SHTN1: variants seen among roughly 807,000 people sequenced by gnomAD.
The protein encoded by SHTN1 is shootin-1.
Under a neutral mutation model 83.1 loss-of-function variants are expected in SHTN1, and 42 were observed. The observed-to-expected ratio is 0.51, with a 90% CI of 0.39 to 0.65. SHTN1 has a LOEUF of 0.65. Ranked by LOEUF, SHTN1 falls within the 30% of genes least tolerant of loss-of-function variation. The pLI, the probability that SHTN1 is intolerant of heterozygous loss-of-function variation, is 0.00. For missense variants in SHTN1, 622 were observed against 737.8 expected (o/e 0.84, Z 1.82); for synonymous variants, 224 against 247.7 (o/e 0.90, Z 0.90).
At chr10:116,959,738 T>C (rs553294545) in intron 4 of SHTN1, among the ~76,000 whole-genome samples, 2 of 152,296 alleles carry the variant, frequency 1.3e-5, no homozygotes, top group Admixed American at 6.5e-5. Flanking sequence ...AGGGTGACTT[T>C]TTCATCTGAT....
chr10:116,907,866 T>C (rs768981486), intron 14 of SHTN1: 21 of 517,554 alleles, frequency 4.1e-5, no homozygotes, highest in Admixed American at 2.7e-4. Context: ...TTTGTAATGT[T>C]TGAACTCACT....
chr10:117,006,775 A>G (rs1852021699), upstream of SHTN1, among the ~76,000 whole-genome samples: 1 of 151,954 alleles, frequency 6.6e-6, no homozygotes, highest in Non-Finnish European at 1.5e-5. Context: ...TCATTCCTCA[A>G]TTGCTGTTTT....
At chr10:117,096,697 T>C (rs1853506987) in intron 1 of SHTN1, among the ~76,000 whole-genome samples, 1 of 152,228 alleles carries the variant, frequency 6.6e-6, no homozygotes, top group South Asian at 2.1e-4. Flanking sequence ...AAGGCCCCTA[T>C]TTAAAATGCA....
At chr10:117,110,602 C>T (rs1423558070) in intron 1 of SHTN1, among the ~76,000 whole-genome samples, 1 of 151,696 alleles carries the variant, frequency 6.6e-6, no homozygotes, top group Non-Finnish European at 1.5e-5. Flanking sequence ...CTCAGGCAAT[C>T]CACCCACCTC....
At chr10:117,021,769 C>T (rs745894228) in intron 2 of SHTN1, among the ~76,000 whole-genome samples, 6 of 152,082 alleles carry the variant, frequency 3.9e-5, no homozygotes, top group South Asian at 4.1e-4. Context: ...AAAAGTACAA[C>T]GGTCTATCAA....
At chr10:116,974,038 CTCTT>C in intron 2 of SHTN1, 2 of 1,061,072 alleles carry the variant, frequency 1.9e-6, no homozygotes, top group Non-Finnish European at 2.3e-6. Context: ...TCCTTTCACT[CTCTT>C]TCTCTTTTGG....
intron 2 of SHTN1, among the ~76,000 whole-genome samples, chr10:117,026,484 A>G (rs374602140): frequency 6.6e-6 from 1 of 151,046 alleles, no homozygotes; most frequent in Non-Finnish European, 1.5e-5. Context: ...ATTCAATGTC[A>G]TAATCTCAGC....
At chr10:116,896,511 T>C (rs770247472) in intron 16 of SHTN1, among the ~76,000 whole-genome samples, 1 of 152,160 alleles carries the variant, frequency 6.6e-6, no homozygotes. Flanking sequence ...ATCAAGTGTC[T>C]ATGTCACATT....
chr10:116,990,356 T>C (rs929259609), intron 1 of SHTN1, among the ~76,000 whole-genome samples: 4 of 150,284 alleles, frequency 2.7e-5, no homozygotes, highest in African/African-American at 9.8e-5. Flanking sequence ...CCTTCCACCT[T>C]GTTGTATGTT....
intron 12 of SHTN1, among the ~76,000 whole-genome samples, chr10:116,916,685 A>G (rs1337326630): frequency 6.6e-6 from 1 of 152,110 alleles, no homozygotes; most frequent in Non-Finnish European, 1.5e-5. Context: ...ACAAGGCTAG[A>G]CTCCATTCCA....
rs1396865315 is a variant in SHTN1 at position 117,125,267 on chromosome 10, G to A, written c.-189+1040C>T. On this transcript the variant is annotated intron_variant, in intron 1 of 17. Transcript: ENST00000392901. ...ATTTGCCACCCTCCCACTGGTCTCTGAACAGAGACGGTCATAGGCAGCTCA... is the reference window on the plus strand; with the variant it reads ...ATTTGCCACCCTCCCACTGGTCTCTAAACAGAGACGGTCATAGGCAGCTCA... Among the ~76,000 whole-genome samples, 5 of 152,178 alleles carry A rather than the reference G, an allele frequency of 3.3e-5. No individual in the cohort carries two copies. In the East Asian group the frequency reaches 9.6e-4, roughly 29 times the overall value.
chr10:116,929,781 G>A (rs1419737095), intron 10 of SHTN1, 68 bp downstream of exon 10: 4 of 1,077,860 alleles, frequency 3.7e-6, no homozygotes, highest in Non-Finnish European at 5.2e-6. Flanking sequence ...TATATGCCAG[G>A]TTTTGTACTA....
chr10:117,060,620 A>G (rs1017023518), intron 1 of SHTN1, among the ~76,000 whole-genome samples: 6 of 152,222 alleles, frequency 3.9e-5, no homozygotes, highest in Non-Finnish European at 7.3e-5. Context: ...GAAGCTGTCT[A>G]TAGTAGGTCA....
intron 2 of SHTN1, among the ~76,000 whole-genome samples, chr10:117,019,679 G>A (rs1033527396): frequency 2.6e-5 from 4 of 151,450 alleles, no homozygotes; most frequent in African/African-American, 4.8e-5. Flanking sequence ...CTGTCTCTAC[G>A]AAAAGTAGCT....
intron 2 of SHTN1, among the ~76,000 whole-genome samples, chr10:117,013,928 A>AT (rs1383780468): frequency 6.6e-6 from 1 of 151,980 alleles, no homozygotes; most frequent in African/African-American, 2.4e-5. Flanking sequence ...GTGTATATAT[A>AT]TATTTTTTTT....
Position 116,923,826 on chromosome 10 carries a change from C to T in SHTN1, c.1113-2310G>A, listed in dbSNP as rs554526982. Among the ~76,000 whole-genome samples, 3 of 152,342 alleles carry T rather than the reference C, an allele frequency of 2.0e-5. No individual in the cohort carries two copies. The South Asian group carries it at 6.2e-4, about 32-fold the overall frequency. On this transcript the variant is annotated intron_variant, in intron 11 of 16. Transcript: ENST00000355371. ...TTGGCCTCCCAAAAGGCTGGGATTA[C>T]AGGCGTGAGCCACTGTGCCCAGCCT...
At chr10:117,037,998 CA>C (rs71013632) in intron 2 of SHTN1, among the ~76,000 whole-genome samples, 2,380 of 75,306 alleles carry the variant, frequency 0.032, 37 homozygotes, top group African/African-American at 0.12. Context: ...AGCGAGACTT[CA>C]AAAAAAAAAA....
In SHTN1 at chr10:116,906,636, C is replaced by A. The variant is rs1456328802; in HGVS notation, c.1471G>T (p.Asp491Tyr). Reference sequence around the variant, plus strand: ...ATTCAAACCGGCTTACTACTGCTATCTGCTTCTGCTGTCACCTTTCTGCGA... The same window carrying A: ...ATTCAAACCGGCTTACTACTGCTATATGCTTCTGCTGTCACCTTTCTGCGA... ...LRRRKVTAEA[D>Y]SSSPTGILAT... The change falls in exon 15 of 17, where the codon GAT becomes TAT. Residue 491 changes from aspartate (D) to tyrosine (Y), a missense_variant. Transcript: ENST00000355371. The A allele has an allele frequency of 1.2e-6, 2 of 1,611,996 alleles. No individual in the cohort carries two copies. Among genetic ancestry groups the A allele is most frequent in the African/African-American group, 2.7e-5 (2 of 74,910 alleles).
intron 16 of SHTN1, chr10:116,901,221 C>T: frequency 1.0e-6 from 1 of 985,258 alleles, no homozygotes; most frequent in Non-Finnish European, 1.2e-6. Flanking sequence ...GAAACACATT[C>T]AATAGCAGGA....
Sources: allele counts gnomAD v4.1 joint callset (sites outside exome capture counted in the v4.1 genomes callset), GRCh38; gene constraint gnomAD v4.1.1; transcripts MANE v1.5; gene names NCBI Gene and HGNC (gene_info 2026-07-23, HGNC 2026-07-21).